ADGRV1: variants seen among roughly 807,000 people sequenced by gnomAD.
ADGRV1 encodes adhesion G protein-coupled receptor V1.
A neutral mutation model predicts 596.2 loss-of-function variants in ADGRV1; 359 were observed. The observed-to-expected ratio is 0.60, with a 90% CI of 0.55 to 0.66. The LOEUF is 0.66. Ranked by LOEUF, ADGRV1 falls within the 30% of genes least tolerant of loss-of-function variation. ADGRV1 has a pLI of 0.00. For synonymous variants in ADGRV1, 2,681 were observed against 2,679.2 expected, an observed-to-expected ratio of 1.00 and a Z score of -0.02; for missense variants, 7,274 against 7,575.6, an observed-to-expected ratio of 0.96 and a Z score of 1.48.
At chr5:91,041,008 T>A (rs939125541) in intron 85 of ADGRV1, among the ~76,000 whole-genome samples, 3 of 152,182 alleles carry the variant, frequency 2.0e-5, no homozygotes, top group African/African-American at 7.2e-5. Context: ...CCTAACTATG[T>A]TAAGAGACTT....
At chr5:90,561,424 CCTAATGGGTAAA>C (rs1368161383) in intron 1 of ADGRV1, among the ~76,000 whole-genome samples, 1 of 152,062 alleles carries the variant, frequency 6.6e-6, no homozygotes, top group Non-Finnish European at 1.5e-5. Context: ...TAAGAAGTAT[CCTAATGGGTAAA>C]CTTGGTTATT....
At chr5:90,626,051 T>G (rs1764713349) in intron 6 of ADGRV1, 1 of 152,154 alleles carries the variant, frequency 6.6e-6, no homozygotes, top group African/African-American at 2.4e-5. Context: ...GTCCCCCACA[T>G]GAGCTAAACG....
Position 90,944,211 on chromosome 5 carries a change from T to C in ADGRV1, c.17857-21204T>C, listed in dbSNP as rs2063244. On this transcript the variant is annotated intron_variant, in intron 83 of 89. Transcript: ENST00000405460. ...TTTTCCCTCTGGCTAATTGTCTTCATTGATGAAATAATGGGGTTGGAATTG... is the reference window on the plus strand; with the variant it reads ...TTTTCCCTCTGGCTAATTGTCTTCACTGATGAAATAATGGGGTTGGAATTG... Among the ~76,000 whole-genome samples, 12 of 152,000 alleles carry C rather than the reference T, an allele frequency of 7.9e-5. No individual in the cohort carries two copies. The East Asian group carries it at 1.5e-3, about 20-fold the overall frequency.
chr5:90,640,906 A>C (rs1336525901), intron 11 of ADGRV1: 1 of 152,476 alleles, frequency 6.6e-6, no homozygotes, highest in Admixed American at 6.6e-5. Flanking sequence ...TTGGTGATTC[A>C]GTATTTTGTT....
Position 90,728,900 on chromosome 5 carries a change from A to G in ADGRV1, c.10393A>G (p.Ile3465Val). 1.2e-6 allele frequency: 2 copies of G among 1,612,658 alleles called. No individual in the cohort carries two copies. The highest frequency in any genetic ancestry group is 2.2e-5 in the East Asian group (1 of 44,870). The change falls in exon 49 of 90, where the codon ATT becomes GTT. Residue 3465 changes from isoleucine (I) to valine (V), a missense_variant. Ile to Val is a conservative substitution (Grantham distance 29). Around this residue, in one of 5 missense-constraint regions of ADGRV1, gnomAD observed 3,643 missense variants for 3,809.2 expected, o/e 0.96. Transcript: ENST00000405460. ...TGAGGCTTTGTCTTCAGCCAATGAT[A>G]TTTACCTAATATTTGCCGAAAATGT... ...EVEALSSAND[I>V]YLIFAENVFL...
chr5:91,108,345 A>G (rs1407292625), intron 87 of ADGRV1, among the ~76,000 whole-genome samples: 2 of 152,094 alleles, frequency 1.3e-5, no homozygotes, highest in South Asian at 2.1e-4. Flanking sequence ...TACTGATTTT[A>G]TCAACACCTG....
chr5:91,086,286 A>G lies in ADGRV1; in HGVS notation c.18310+13682A>G, dbSNP rs577585081. ...GCTCACATTTTCAAATGTCTTTTGGATACATTCACTTGGGTTTCTCTCTGA... is the reference window on the plus strand; with the variant it reads ...GCTCACATTTTCAAATGTCTTTTGGGTACATTCACTTGGGTTTCTCTCTGA... On this transcript the variant is annotated intron_variant, in intron 86 of 89. Transcript: ENST00000405460. Among the ~76,000 whole-genome samples the G allele has an allele frequency of 1.3e-3, 192 of 152,260 alleles. 1 individual carries two copies. Among genetic ancestry groups the G allele is most frequent in the African/African-American group, 4.5e-3 (187 of 41,550 alleles).
At chr5:90,623,480 T>C (rs1238663916) in intron 5 of ADGRV1, among the ~76,000 whole-genome samples, 1 of 152,106 alleles carries the variant, frequency 6.6e-6, no homozygotes, top group Non-Finnish European at 1.5e-5. Flanking sequence ...GGCACTATCA[T>C]GGCTCACTGC....
intron 85 of ADGRV1, among the ~76,000 whole-genome samples, chr5:91,013,197 T>C (rs1258950531): frequency 1.3e-5 from 2 of 152,098 alleles, no homozygotes; most frequent in South Asian, 2.1e-4. Flanking sequence ...TTCACATGCA[T>C]GTGTCTTTAT....
intron 1 of ADGRV1, among the ~76,000 whole-genome samples, chr5:90,612,007 AG>A (rs1762783992): frequency 6.6e-6 from 1 of 152,096 alleles, no homozygotes; most frequent in Non-Finnish European, 1.5e-5. Context: ...AAAAGATGAA[AG>A]CAAAGGAGAT....
chr5:90,875,061 C>A (rs1424446957), intron 83 of ADGRV1, among the ~76,000 whole-genome samples: 1 of 152,084 alleles, frequency 6.6e-6, no homozygotes, highest in Non-Finnish European at 1.5e-5. Context: ...ATGCCTGTAA[C>A]CCCAGCTACT....
intron 70 of ADGRV1, among the ~76,000 whole-genome samples, chr5:90,795,238 A>C (rs1316370710): frequency 2.0e-5 from 3 of 152,214 alleles, no homozygotes; most frequent in Admixed American, 2.0e-4. Flanking sequence ...CAGCAAACTA[A>C]GATCTACTGG....
chr5:91,011,836 A>T (rs1483678262), intron 85 of ADGRV1, among the ~76,000 whole-genome samples: 1 of 151,896 alleles, frequency 6.6e-6, no homozygotes, highest in Non-Finnish European at 1.5e-5. Flanking sequence ...CATTTCATGG[A>T]TAGTAGTAGC....
chr5:90,757,062 C>A lies in ADGRV1; in HGVS notation c.11841C>A (p.Ser3947Arg), dbSNP rs1755907333. Reference sequence around the variant, plus strand: ...TTCCTGTAGTCCGGCTGGCTGGAAGCTTTGGGGCAGTAAATGTTTATTGGA... The same window carrying A: ...TTCCTGTAGTCCGGCTGGCTGGAAGATTTGGGGCAGTAAATGTTTATTGGA... ...LQVPVVRLAG[S>R]FGAVNVYWKA... is the part of the protein sequence containing the mutation. Residue 3947 changes from serine to arginine, a missense_variant, in exon 57 of 90, where the codon AGC (serine) becomes AGA (arginine). Coordinates refer to ENST00000405460, the MANE Select transcript of ADGRV1 (RefSeq NM_032119.4). 6.2e-7 allele frequency: 1 copy of A among 1,613,796 alleles called. No homozygotes were observed. The highest frequency in any genetic ancestry group is 8.5e-7 in the Non-Finnish European group (1 of 1,179,824).
intron 69 of ADGRV1, 111 bp from the exon 70 acceptor site, chr5:90,790,762 T>G (rs1182106167): frequency 1.2e-5 from 8 of 695,414 alleles, no homozygotes; most frequent in Non-Finnish European, 1.6e-5. Context: ...AATATAGTGA[T>G]GCACAATTAT....
At chr5:91,047,308 CTG>C (rs1191640913) in intron 85 of ADGRV1, among the ~76,000 whole-genome samples, 1 of 152,106 alleles carries the variant, frequency 6.6e-6, no homozygotes, top group Non-Finnish European at 1.5e-5. Context: ...AGGGACAGAA[CTG>C]TGAGGATAGA....
At chr5:91,158,716 G>A (rs1349025213) in intron 89 of ADGRV1, among the ~76,000 whole-genome samples, 1 of 152,208 alleles carries the variant, frequency 6.6e-6, no homozygotes, top group Non-Finnish European at 1.5e-5. Context: ...TGAACATGTA[G>A]AAATAAGAAT....
intron 29 of ADGRV1, 149 bp from the exon 30 acceptor site, chr5:90,689,712 T>C: frequency 1.6e-6 from 1 of 609,298 alleles, no homozygotes; most frequent in Non-Finnish European, 2.9e-6. Flanking sequence ...CATAAAAGTC[T>C]TCTTGCTTAG....
At position 90,627,465 on chromosome 5, in the gene ADGRV1, T is replaced by A. The variant is rs756409935; in HGVS notation, c.927T>A (p.Thr309=). The A allele has an allele frequency of 1.2e-6, 2 of 1,614,010 alleles. No individual in the cohort carries two copies. Among genetic ancestry groups the A allele is most frequent in the Non-Finnish European group, 1.7e-6 (2 of 1,179,874 alleles). The part of the protein sequence containing the change: ...YEVSISYAVT[T]GNSTAHAQQN... ...TTTCAATCAGTTATGCTGTCACAAC[T>A]GGGAATTCCACAGCACATGCCCAGC... is the stretch of plus-strand genomic sequence containing the variant. The change falls in exon 7 of 90, where the codon ACT becomes ACA. Residue 309 remains threonine (T), a synonymous_variant. Coordinates refer to ENST00000405460, the MANE Select transcript of ADGRV1 (RefSeq NM_032119.4).
Sources: allele counts gnomAD v4.1 joint callset (sites outside exome capture counted in the v4.1 genomes callset), GRCh38; gene constraint gnomAD v4.1.1; regional missense constraint gnomAD v4.1.1; transcripts MANE v1.5; gene names NCBI Gene and HGNC (gene_info 2026-07-23, HGNC 2026-07-21).